Variants in SPIN1 observed in about 807,000 individuals in gnomAD.
The protein encoded by SPIN1 is spindlin-1.
A neutral mutation model predicts 26.0 loss-of-function variants in SPIN1; 3 were observed. The observed-to-expected ratio is 0.12, with a 90% CI of 0.05 to 0.30. The LOEUF (loss-of-function observed/expected upper bound fraction) is 0.30, where lower values mean the gene tolerates loss of function less well. Ranked by LOEUF, SPIN1 falls within the 10% of genes least tolerant of loss-of-function variation. SPIN1 has a pLI of 1.00. For missense variants in SPIN1, 126 were observed against 333.4 expected (o/e 0.38, Z 4.84); for synonymous variants, 101 against 116.5 (o/e 0.87, Z 0.86).
intron 3 of SPIN1, among the ~76,000 whole-genome samples, chr9:88,450,571 TAA>T: frequency 6.6e-6 from 1 of 152,276 alleles, no homozygotes; most frequent in East Asian, 1.9e-4. Flanking sequence ...TTTGATTCCC[TAA>T]AGCATAAGAA....
At chr9:88,391,609 T>G (rs1431180364) in intron 1 of SPIN1, 1 of 152,220 alleles carries the variant, frequency 6.6e-6, no homozygotes, top group Admixed American at 6.5e-5. Flanking sequence ...GCAAGCCATC[T>G]CTGATGTCCT....
chr9:88,462,237 A>G (rs1268405618), intron 3 of SPIN1, among the ~76,000 whole-genome samples: 1 of 152,106 alleles, frequency 6.6e-6, no homozygotes, highest in Non-Finnish European at 1.5e-5. Context: ...GCTATTGACT[A>G]GTAGTTTTTT....
chr9:88,440,885 T>TCTTC (rs1828108430), intron 2 of SPIN1, among the ~76,000 whole-genome samples: 1 of 151,634 alleles, frequency 6.6e-6, no homozygotes, highest in South Asian at 2.1e-4. Flanking sequence ...CCTCTTTCTT[T>TCTTC]CTTCCCTTTT....
chr9:88,436,239 A>G (rs1309512501), intron 2 of SPIN1, among the ~76,000 whole-genome samples: 2 of 152,260 alleles, frequency 1.3e-5, no homozygotes, highest in African/African-American at 2.4e-5. Context: ...CTGACTTTCT[A>G]GCTCAGTGTT....
chr9:88,440,223 C>T (rs1828091382), intron 2 of SPIN1, among the ~76,000 whole-genome samples: 1 of 144,546 alleles, frequency 6.9e-6, no homozygotes, highest in African/African-American at 2.6e-5. Context: ...CTCGGGCTTT[C>T]CACTCTTTTC....
intron 2 of SPIN1, among the ~76,000 whole-genome samples, chr9:88,441,685 C>T (rs1050117931): frequency 6.6e-6 from 1 of 151,314 alleles, no homozygotes; most frequent in South Asian, 2.1e-4. Flanking sequence ...AGTCTTGGGA[C>T]GTTGAGGTTG....
chr9:88,423,670 TC>T (rs1411014228), intron 1 of SPIN1, among the ~76,000 whole-genome samples: 3 of 151,118 alleles, frequency 2.0e-5, no homozygotes, highest in African/African-American at 4.9e-5. Flanking sequence ...CCCACCTCGG[TC>T]CCCCAAAGTG....
At chr9:88,400,644 G>C (rs1827166252) in intron 1 of SPIN1, among the ~76,000 whole-genome samples, 1 of 152,124 alleles carries the variant, frequency 6.6e-6, no homozygotes, top group African/African-American at 2.4e-5. Context: ...TAAGGAGTTT[G>C]AGACCAGCCT....
At chr9:88,457,318 C>T (rs190659944) in intron 3 of SPIN1, among the ~76,000 whole-genome samples, 132 of 152,166 alleles carry the variant, frequency 8.7e-4, no homozygotes, top group Admixed American at 2.6e-3. Context: ...TCACTTGAGG[C>T]CAGGAGTTTG....
At chr9:88,469,795 A>G (rs1587817335) in intron 5 of SPIN1, among the ~76,000 whole-genome samples, 1 of 152,318 alleles carries the variant, frequency 6.6e-6, no homozygotes. Flanking sequence ...GGCCTCCCAC[A>G]AGTGTTAGGA....
intron 1 of SPIN1, among the ~76,000 whole-genome samples, chr9:88,405,375 T>C (rs572430435): frequency 1.3e-5 from 2 of 150,796 alleles, no homozygotes; most frequent in Admixed American, 1.3e-4. Context: ...ATTACTGGCA[T>C]GCGCCACCAT....
chr9:88,394,228 G>T (rs536182731), intron 1 of SPIN1, among the ~76,000 whole-genome samples: 1 of 152,264 alleles, frequency 6.6e-6, no homozygotes, highest in African/African-American at 2.4e-5. Flanking sequence ...CTTTCAACCT[G>T]GTTCTCTTTC....
intron 1 of SPIN1, among the ~76,000 whole-genome samples, chr9:88,420,375 C>T (rs1183513878): frequency 6.6e-6 from 1 of 152,066 alleles, no homozygotes; most frequent in Non-Finnish European, 1.5e-5. Flanking sequence ...GACTCCGTCT[C>T]AACAAAACGA....
chr9:88,441,574 G>A (rs1235194218), intron 2 of SPIN1, among the ~76,000 whole-genome samples: 5 of 151,668 alleles, frequency 3.3e-5, no homozygotes, highest in Admixed American at 6.6e-5. Flanking sequence ...TCTGGGCAAT[G>A]TAGTGAGACC....
At chr9:88,397,954 T>G (rs1827101329) in intron 1 of SPIN1, among the ~76,000 whole-genome samples, 1 of 151,624 alleles carries the variant, frequency 6.6e-6, no homozygotes. Context: ...GAGGTCTCAC[T>G]CCAGTTGCCT....
At chr9:88,409,623 C>T (rs1288660972) in intron 1 of SPIN1, among the ~76,000 whole-genome samples, 5 of 151,512 alleles carry the variant, frequency 3.3e-5, no homozygotes, top group Non-Finnish European at 5.9e-5. Context: ...ATCACGAGGT[C>T]AGGAGATGAA....
chr9:88,460,331 G>GA (rs891011667), intron 3 of SPIN1, among the ~76,000 whole-genome samples: 2 of 151,712 alleles, frequency 1.3e-5, no homozygotes, highest in African/African-American at 2.4e-5. Context: ...CTTAATTTCT[G>GA]AAAAAAAATT....
intron 1 of SPIN1, chr9:88,411,172 T>A: frequency 7.2e-7 from 1 of 1,393,568 alleles, no homozygotes; most frequent in Middle Eastern, 2.5e-4. Flanking sequence ...GGGCACCTGG[T>A]CTTTAAGAAT....
chr9:88,433,160 GC>G (rs1827917417), intron 2 of SPIN1, among the ~76,000 whole-genome samples: 1 of 152,166 alleles, frequency 6.6e-6, no homozygotes, highest in African/African-American at 2.4e-5. Flanking sequence ...GCTCACTGCA[GC>G]CTCAAACTCC....
Sources: allele counts gnomAD v4.1 joint callset (sites outside exome capture counted in the v4.1 genomes callset), GRCh38; gene constraint gnomAD v4.1.1; transcripts MANE v1.5; gene names NCBI Gene and HGNC (gene_info 2026-07-23, HGNC 2026-07-21).